FGGY: variants seen among roughly 807,000 people sequenced by gnomAD.
FGGY encodes FGGY carbohydrate kinase domain-containing protein.
FGGY carries 72 observed loss-of-function variants against 71.3 expected under a neutral mutation model. The observed-to-expected ratio is 1.01, with a 90% CI of 0.84 to 1.23. The LOEUF is 1.23. Among genes scored for constraint, FGGY ranks in the 50% most tolerant of loss-of-function variants. The pLI, the probability that FGGY is intolerant of heterozygous loss-of-function variation, is 0.00. For synonymous variants in FGGY, 251 were observed against 250.3 expected (o/e 1.00, Z -0.02); for missense variants, 668 against 682.3 (o/e 0.98, Z 0.23).
At chr1:59,413,537 T>C (rs2063902842) in intron 5 of FGGY, among the ~76,000 whole-genome samples, 1 of 152,326 alleles carries the variant, frequency 6.6e-6, no homozygotes, top group South Asian at 2.1e-4. Context: ...TTAGAGATTC[T>C]CAGTGCATGA....
chr1:59,406,097 C>T (rs1043598890), intron 5 of FGGY, among the ~76,000 whole-genome samples: 1 of 151,624 alleles, frequency 6.6e-6, no homozygotes, highest in Non-Finnish European at 1.5e-5. Context: ...CTTTTTTAAG[C>T]CTGTTAATAG....
At chr1:59,379,586 A>G (rs2059134020) in intron 5 of FGGY, among the ~76,000 whole-genome samples, 1 of 152,110 alleles carries the variant, frequency 6.6e-6, no homozygotes, top group Non-Finnish European at 1.5e-5. Flanking sequence ...ATTACTGTAC[A>G]CTTCTATAGA....
At chr1:59,564,742 T>G (rs986792580) in intron 8 of FGGY, among the ~76,000 whole-genome samples, 3 of 152,214 alleles carry the variant, frequency 2.0e-5, no homozygotes, top group Non-Finnish European at 4.4e-5. Flanking sequence ...AAACCTACTC[T>G]ACCCTGTGAT....
At chr1:59,477,003 G>GTT (rs1459574186) in intron 6 of FGGY, among the ~76,000 whole-genome samples, 1 of 152,180 alleles carries the variant, frequency 6.6e-6, no homozygotes, top group African/African-American at 2.4e-5. Context: ...TCACAATTCA[G>GTT]TTTTGGATTT....
rs752191182 is a variant in FGGY, at chr1:59,346,254, C to T, written c.321C>T (p.Ser107=). 5 of 1,612,630 alleles carry T rather than the reference C, an allele frequency of 3.1e-6. No individual in the cohort carries two copies. The highest frequency in any genetic ancestry group is 4.2e-6 in the Non-Finnish European group (5 of 1,179,616). The change falls in exon 4 of 16, where the codon TCC becomes TCT. Residue 107 remains serine, a synonymous_variant. Coordinates refer to ENST00000303721, the MANE Select transcript of FGGY (RefSeq NM_018291.5). ...CCCTCTCGTTTCTGCTAGGGGATTC[C>T]CATCGAAACGTCATCATGTGGCTGG... The part of the protein sequence containing the change: ...HPLPVNQEGD[S]HRNVIMWLDH...
intron 8 of FGGY, among the ~76,000 whole-genome samples, chr1:59,556,823 C>T (rs2095694558): frequency 6.6e-6 from 1 of 152,168 alleles, no homozygotes; most frequent in Non-Finnish European, 1.5e-5. Context: ...ATGTAAACGG[C>T]TCACATGAAG....
At chr1:59,646,996 T>A (rs1316870947) in intron 11 of FGGY, among the ~76,000 whole-genome samples, 1 of 152,240 alleles carries the variant, frequency 6.6e-6, no homozygotes, top group East Asian at 1.9e-4. Context: ...TTACTGCTCC[T>A]TTATCTTTCC....
intron 14 of FGGY, among the ~76,000 whole-genome samples, chr1:59,743,493 C>G (rs1461589341): frequency 6.6e-6 from 1 of 152,166 alleles, no homozygotes; most frequent in Admixed American, 6.5e-5. Flanking sequence ...CTCAAACTTC[C>G]CATTTTGAGA....
At chr1:59,318,476 C>G (rs996424319) in intron 1 of FGGY, 17 of 152,264 alleles carry the variant, frequency 1.1e-4, no homozygotes, top group African/African-American at 3.6e-4. Context: ...AGAACTGGAG[C>G]AAGCCCAGGG....
chr1:59,434,149 C>T (rs961858697), intron 5 of FGGY, among the ~76,000 whole-genome samples: 2 of 152,200 alleles, frequency 1.3e-5, no homozygotes, highest in Non-Finnish European at 1.5e-5. Flanking sequence ...ATACCTTTTG[C>T]ACCCAAGAAA....
intron 6 of FGGY, among the ~76,000 whole-genome samples, chr1:59,465,313 T>G (rs1405116644): frequency 6.6e-6 from 1 of 152,188 alleles, no homozygotes; most frequent in Admixed American, 6.5e-5. Flanking sequence ...TAACAGTACA[T>G]AATGCTAAAA....
At chr1:59,638,479 G>A in intron 11 of FGGY, 104 bp downstream of exon 11, 4 of 1,375,656 alleles carry the variant, frequency 2.9e-6, no homozygotes, top group South Asian at 2.7e-5. Context: ...AATAAAACAG[G>A]CCAACAGCCC....
intron 7 of FGGY, among the ~76,000 whole-genome samples, chr1:59,546,532 G>T (rs61787059): frequency 0.3 from 30,792 of 101,110 alleles, 3,514 homozygotes; most frequent in African/African-American, 0.4. Flanking sequence ...TGATGATGAT[G>T]ATGATTATTA....
rs1410740100 is a variant in FGGY at position 59,640,574 on chromosome 1, C to CTGTGCT, written c.1221+2199_1221+2200insTGTGCT. 2.6e-3 allele frequency among the ~76,000 whole-genome samples: 391 copies of CTGTGCT among 151,518 alleles called. 5 individuals are homozygous for CTGTGCT. Among genetic ancestry groups the CTGTGCT allele is most frequent in the African/African-American group, 6.9e-3 (281 of 40,970 alleles). ...AGGATAATTCCAATAAAGCAAGATC[C>CTGTGCT]ATGTACAATTTCTTCTTTTGGCCCC... On this transcript the variant is annotated intron_variant, in intron 11 of 15. Transcript: ENST00000303721.
chr1:59,638,282 T>C lies in FGGY; in HGVS notation c.1128T>C (p.Ala376=). Residue 376 remains alanine (A), a synonymous_variant, in exon 11 of 16, where the codon GCT becomes GCC. Coordinates refer to ENST00000303721, the MANE Select transcript of FGGY (RefSeq NM_018291.5). Reference sequence around the variant, plus strand: ...GTCACCTGGATCTGATTAAGAAGGCTCAGCCTGTGGGTTTCCTTACTGTTG... The same window carrying C: ...GTCACCTGGATCTGATTAAGAAGGCCCAGCCTGTGGGTTTCCTTACTGTTG... ...LNSHLDLIKK[A]QPVGFLTVDL... The C allele has an allele frequency of 1.2e-6, 2 of 1,614,206 alleles. No homozygotes were observed. Among genetic ancestry groups the C allele is most frequent in the Non-Finnish European group, 1.7e-6 (2 of 1,180,024 alleles).
intron 5 of FGGY, among the ~76,000 whole-genome samples, chr1:59,404,904 C>T (rs1459070321): frequency 6.6e-6 from 1 of 152,158 alleles, no homozygotes; most frequent in African/African-American, 2.4e-5. Flanking sequence ...AGCTCACATC[C>T]ACGCTGTGCA....
chr1:59,721,065 C>T (rs2097887802), intron 14 of FGGY, among the ~76,000 whole-genome samples: 1 of 152,102 alleles, frequency 6.6e-6, no homozygotes, highest in African/African-American at 2.4e-5. Flanking sequence ...GATCTCTGCT[C>T]AAATGTCATT....
intron 1 of FGGY, among the ~76,000 whole-genome samples, chr1:59,314,312 G>T (rs1557512578): frequency 6.6e-6 from 1 of 152,168 alleles, no homozygotes; most frequent in Non-Finnish European, 1.5e-5. Flanking sequence ...AGGTGATTCA[G>T]TGTTGGAGGT....
intron 11 of FGGY, among the ~76,000 whole-genome samples, chr1:59,651,374 T>A: frequency 6.7e-6 from 1 of 150,042 alleles, no homozygotes; most frequent in Non-Finnish European, 1.5e-5. Flanking sequence ...CCATTATTAA[T>A]GCGTGGGAGT....
Sources: allele counts gnomAD v4.1 joint callset (sites outside exome capture counted in the v4.1 genomes callset), GRCh38; gene constraint gnomAD v4.1.1; transcripts MANE v1.5; gene names NCBI Gene and HGNC (gene_info 2026-07-23, HGNC 2026-07-21).